HS1BP3: variants seen among roughly 807,000 people sequenced by gnomAD.
HS1BP3 encodes the protein HCLS1-binding protein 3.
A neutral mutation model predicts 33.5 loss-of-function variants in HS1BP3; 32 were observed. The observed-to-expected ratio is 0.95, with a 90% CI of 0.72 to 1.28. The LOEUF (loss-of-function observed/expected upper bound fraction) is 1.28. HS1BP3 is among the 50% of genes most tolerant of loss of function. HS1BP3 has a pLI of 0.00. For synonymous variants in HS1BP3, 187 were observed against 209.2 expected (o/e 0.89, Z 0.92); for missense variants, 486 against 502.3 (o/e 0.97, Z 0.31).
chr2:20,619,282 T>G (rs745986286), intron 6 of HS1BP3, 37 bp from the exon 7 acceptor site: 12 of 1,504,758 alleles, frequency 8.0e-6, no homozygotes, highest in African/African-American at 2.8e-5. Context: ...AGCATAACAC[T>G]GCCACCCCGT....
Position 20,651,021 on chromosome 2 carries a change from G to C in HS1BP3, c.32+11C>G. On this transcript the variant is annotated intron_variant, in intron 1 of 6. Coordinates refer to ENST00000304031, the MANE Select transcript of HS1BP3 (RefSeq NM_022460.4). ...GAGCTGTGCGGTGTGGGGCGCGGGGGTCTGGCTCACCTGGAGGTGACGAGC... is the reference window on the plus strand; with the variant it reads ...GAGCTGTGCGGTGTGGGGCGCGGGGCTCTGGCTCACCTGGAGGTGACGAGC... 1 of 1,239,954 alleles carries C rather than the reference G, an allele frequency of 8.1e-7. No homozygotes were observed. Among genetic ancestry groups the C allele is most frequent in the Non-Finnish European group, 1.0e-6 (1 of 992,714 alleles). 76.8% of individuals were successfully genotyped at this position (1,239,954 alleles called of 1,614,324 possible). A position where few individuals can be genotyped will look rare whatever the true frequency, so the allele number is the denominator to read the frequency against.
At chr2:20,573,695 T>C (rs1693329029) in intron 5 of HS1BP3, among the ~76,000 whole-genome samples, 1 of 152,202 alleles carries the variant, frequency 6.6e-6, no homozygotes, top group South Asian at 2.1e-4. Context: ...GCTACTAGTT[T>C]AAGTTGTTTT....
At chr2:20,563,612 G>A (rs1693055347) in intron 5 of HS1BP3, among the ~76,000 whole-genome samples, 1 of 152,238 alleles carries the variant, frequency 6.6e-6, no homozygotes, top group Non-Finnish European at 1.5e-5. Flanking sequence ...CAGGGAAGAC[G>A]AGGAATGGTC....
chr2:20,613,364 C>T (rs1004119989), downstream of HS1BP3, among the ~76,000 whole-genome samples: 5 of 152,230 alleles, frequency 3.3e-5, no homozygotes, highest in African/African-American at 4.8e-5. Flanking sequence ...GAGCCCTTTC[C>T]GACTACCTCG....
downstream of HS1BP3, among the ~76,000 whole-genome samples, chr2:20,557,767 T>C (rs551253765): frequency 1.3e-5 from 2 of 152,308 alleles, no homozygotes; most frequent in East Asian, 1.9e-4. Flanking sequence ...CAGCCTGCAT[T>C]CCTGAACATG....
At chr2:20,619,394 A>T in intron 6 of HS1BP3, 149 bp from the exon 7 acceptor site, 1 of 679,728 alleles carries the variant, frequency 1.5e-6, no homozygotes, top group Non-Finnish European at 2.4e-6. Context: ...GCTCTGCCCC[A>T]TTCCACTCTG....
chr2:20,561,118 C>T (rs1692982343), intron 5 of HS1BP3, among the ~76,000 whole-genome samples: 1 of 152,218 alleles, frequency 6.6e-6, no homozygotes, highest in African/African-American at 2.4e-5. Flanking sequence ...CTCGTCATGC[C>T]TCTGTGCCTT....
Position 20,607,790 on chromosome 2 carries a change from T to G in HS1BP3, c.179-9525A>C, listed in dbSNP as rs891172535. On this transcript the variant is annotated intron_variant, in intron 2 of 3. Transcript: ENST00000415264. ...TAGCTTTTCCATTTCTGTAAAAACA[T>G]CACATTGGGATTTTGATAAGCATGG... Among the ~76,000 whole-genome samples the G allele has an allele frequency of 2.4e-4, 37 of 152,234 alleles. 1 individual carries two copies. Among genetic ancestry groups the G allele is most frequent in the Admixed American group, 2.0e-4 (3 of 15,290 alleles).
intron 3 of HS1BP3, among the ~76,000 whole-genome samples, chr2:20,639,580 C>T (rs146228769): frequency 2.8e-4 from 42 of 152,284 alleles, no homozygotes; most frequent in Non-Finnish European, 5.0e-4. Context: ...GTGATAATGA[C>T]GATATCGTAT....
rs185202011 is a variant in HS1BP3 at position 20,623,720 on chromosome 2, C to A, written c.920+176G>T. The A allele has an allele frequency of 3.2e-3, 2,135 of 657,336 alleles. 4 individuals carry two copies. Among genetic ancestry groups the A allele is most frequent in the Non-Finnish European group, 4.4e-3 (1,836 of 418,002 alleles). The allele number at this position is 657,336 out of a possible 1,614,324, so 40.7% of individuals were successfully genotyped here. A position where few individuals can be genotyped will look rare whatever the true frequency, so the allele number is the denominator to read the frequency against. ...GCAGCCCTGGGCTGCGGATCCTCCC[C>A]CTCAGCCCCCTTCACCGCCTCTCAC... On this transcript the variant is annotated intron_variant, in intron 6 of 6. Transcript: ENST00000304031.
At chr2:20,556,480 C>A (rs1176518303), downstream of HS1BP3, among the ~76,000 whole-genome samples, 1 of 151,716 alleles carries the variant, frequency 6.6e-6, no homozygotes, top group African/African-American at 2.4e-5. Context: ...TTATCAAATT[C>A]TTTTACTTTA....
chr2:20,586,836 C>T (rs1419533629), intron 5 of HS1BP3: 2 of 152,142 alleles, frequency 1.3e-5, no homozygotes, highest in Admixed American at 6.5e-5. Context: ...TAAGTATGAA[C>T]ATTTGCGTTT....
intron 2 of HS1BP3, among the ~76,000 whole-genome samples, chr2:20,601,767 CTTCTTTTTT>C (rs1022162449): frequency 4.7e-5 from 3 of 63,684 alleles, no homozygotes; most frequent in Admixed American, 2.3e-4. Context: ...TCAAGTGTGT[CTTCTTTTTT>C]TTTTTTTTTT....
chr2:20,614,495 C>T (rs1694378578), downstream of HS1BP3, among the ~76,000 whole-genome samples: 1 of 152,208 alleles, frequency 6.6e-6, no homozygotes, highest in Non-Finnish European at 1.5e-5. Context: ...GCCCAGAGAA[C>T]AGAAGTGAAA....
exon 6 of HS1BP3, chr2:20,560,503 A>T (rs1452111121): frequency 1.3e-5 from 2 of 152,284 alleles, no homozygotes; most frequent in Non-Finnish European, 2.9e-5. Flanking sequence ...GAAATCCCTT[A>T]TGAGCCAGTG....
At chr2:20,566,361 C>T (rs1051786653) in intron 5 of HS1BP3, among the ~76,000 whole-genome samples, 9 of 152,170 alleles carry the variant, frequency 5.9e-5, no homozygotes, top group South Asian at 4.1e-4. Context: ...TATGTGGGTC[C>T]GGGTGGGGTG....
chr2:20,581,057 A>G (rs1305682228), intron 5 of HS1BP3, among the ~76,000 whole-genome samples: 2 of 152,190 alleles, frequency 1.3e-5, no homozygotes, highest in African/African-American at 4.8e-5. Context: ...GTCTTCCGCA[A>G]AAGTTGGAAA....
At chr2:20,623,756 C>T in intron 6 of HS1BP3, 140 bp downstream of exon 6, 1 of 974,494 alleles carries the variant, frequency 1.0e-6, no homozygotes, top group Non-Finnish European at 1.4e-6. Flanking sequence ...CCAATGTGCA[C>T]CCACAGGCTT....
downstream of HS1BP3, among the ~76,000 whole-genome samples, chr2:20,591,706 G>A (rs1693820356): frequency 6.6e-6 from 1 of 152,170 alleles, no homozygotes; most frequent in African/African-American, 2.4e-5. Flanking sequence ...AAAAAATGCA[G>A]ACATGCGCCA....
Sources: gnomAD v4.1 joint callset for allele counts (sites outside exome capture counted in the v4.1 genomes callset) on GRCh38, gnomAD v4.1.1 for gene constraint, MANE v1.5 for transcripts, NCBI Gene and HGNC (gene_info 2026-07-23, HGNC 2026-07-21) for gene names.